LRBA: variants seen among roughly 807,000 people sequenced by gnomAD.
The protein encoded by LRBA is LPS responsive beige-like anchor protein, also known as lipopolysaccharide-responsive and beige-like anchor protein.
A neutral mutation model predicts 330.0 loss-of-function variants in LRBA; 176 were observed. That is an observed-to-expected ratio of 0.53 (90% CI 0.47 to 0.60). LRBA has a LOEUF of 0.60. Among genes scored for constraint, LRBA ranks in the 20% least tolerant of loss-of-function variants. The pLI is 0.00. For synonymous variants in LRBA, 1,230 were observed against 1,193.0 expected (o/e 1.03, Z -0.64); for missense variants, 3,259 against 3,444.8 (o/e 0.95, Z 1.35).
At chr4:150,489,239 CGAATATATAATATATTATATATAA>C (rs1554039138) in intron 41 of LRBA, among the ~76,000 whole-genome samples, 267 of 51,304 alleles carry the variant, frequency 5.2e-3, no homozygotes, top group East Asian at 9.5e-3. Context: ...ATTATATATA[CGAATATATAATATATTATATATAA>C]GAATATATAA....
At chr4:150,953,008 C>CG (rs1191862114) in intron 2 of LRBA, among the ~76,000 whole-genome samples, 1 of 152,196 alleles carries the variant, frequency 6.6e-6, no homozygotes, top group Admixed American at 6.5e-5. Flanking sequence ...ACCTCCCCAA[C>CG]TGTTTCCATA....
At chr4:150,278,469 CT>C (rs11348404) in intron 55 of LRBA, among the ~76,000 whole-genome samples, 76,723 of 151,996 alleles carry the variant, frequency 0.5, 20,353 homozygotes, top group South Asian at 0.59. Context: ...TTCCCTGAGC[CT>C]GCTGGATTTT....
chr4:150,779,786 A>G (rs112845172), intron 34 of LRBA, among the ~76,000 whole-genome samples: 3 of 152,280 alleles, frequency 2.0e-5, no homozygotes, highest in African/African-American at 7.2e-5. Flanking sequence ...GCGTAATTCC[A>G]AAAAGTAATT....
chr4:150,796,809 A>G (rs1227877598), intron 34 of LRBA, among the ~76,000 whole-genome samples: 2 of 151,976 alleles, frequency 1.3e-5, no homozygotes, highest in African/African-American at 2.4e-5. Flanking sequence ...ATCCAAAACC[A>G]TAAGAATGCT....
At chr4:150,840,939 G>A in intron 28 of LRBA, 1 of 1,132,422 alleles carries the variant, frequency 8.8e-7, no homozygotes, top group East Asian at 6.9e-5. Flanking sequence ...CAGAAAAATA[G>A]AAGATAGGCT....
chr4:150,576,168 A>G (rs1770517551), intron 40 of LRBA, among the ~76,000 whole-genome samples: 1 of 151,010 alleles, frequency 6.6e-6, no homozygotes, highest in Non-Finnish European at 1.5e-5. Flanking sequence ...GGTTTTTAAA[A>G]AAAAAAAAAG....
intron 2 of LRBA, among the ~76,000 whole-genome samples, chr4:150,993,545 C>A (rs1742323217): frequency 2.6e-5 from 4 of 152,056 alleles, no homozygotes; most frequent in Admixed American, 2.6e-4. Flanking sequence ...TTGTATTAGT[C>A]CATTTTCATG....
At chr4:150,462,906 T>C (rs1011185175) in intron 44 of LRBA, among the ~76,000 whole-genome samples, 4 of 151,882 alleles carry the variant, frequency 2.6e-5, no homozygotes, top group African/African-American at 9.7e-5. Context: ...TTTGTACAGA[T>C]AGAGCTCATT....
intron 51 of LRBA, among the ~76,000 whole-genome samples, chr4:150,312,902 A>G (rs1731245160): frequency 6.6e-6 from 1 of 152,060 alleles, no homozygotes; most frequent in Non-Finnish European, 1.5e-5. Flanking sequence ...AAAAACAAGT[A>G]AGATAGACCT....
intron 43 of LRBA, 21 bp downstream of exon 43, chr4:150,471,603 C>G: frequency 1.6e-6 from 2 of 1,254,366 alleles, no homozygotes. Flanking sequence ...TAAAATAAAT[C>G]AATACATGGA....
At chr4:150,360,879 G>A (rs912107065) in intron 47 of LRBA, among the ~76,000 whole-genome samples, 2 of 152,222 alleles carry the variant, frequency 1.3e-5, no homozygotes, top group East Asian at 1.9e-4. Flanking sequence ...TCTGAAAGAC[G>A]GCATTATGAC....
intron 36 of LRBA, among the ~76,000 whole-genome samples, chr4:150,722,785 T>C (rs1416452328): frequency 1.3e-5 from 2 of 151,876 alleles, no homozygotes; most frequent in East Asian, 3.9e-4. Context: ...TTTAACTTCA[T>C]ATCATGGAAA....
chr4:150,301,643 C>CT (rs1729695698), intron 53 of LRBA, among the ~76,000 whole-genome samples: 2 of 152,080 alleles, frequency 1.3e-5, no homozygotes, highest in Middle Eastern at 3.4e-3. Context: ...TTAAGAACAG[C>CT]TTTGAGAAGT....
intron 47 of LRBA, among the ~76,000 whole-genome samples, chr4:150,365,616 A>T (rs1033807883): frequency 1.3e-5 from 2 of 151,842 alleles, no homozygotes; most frequent in South Asian, 4.2e-4. Flanking sequence ...ACATGGAGAA[A>T]CCCCATCTCT....
intron 2 of LRBA, among the ~76,000 whole-genome samples, chr4:150,995,390 T>C (rs963256503): frequency 3.3e-5 from 5 of 151,630 alleles, no homozygotes; most frequent in Non-Finnish European, 7.4e-5. Flanking sequence ...GAACAAGCCT[T>C]TCAGGAACAG....
intron 34 of LRBA, among the ~76,000 whole-genome samples, chr4:150,767,714 C>G (rs1389035402): frequency 6.8e-6 from 1 of 146,508 alleles, no homozygotes; most frequent in Non-Finnish European, 1.5e-5. Context: ...GCCAAGATTG[C>G]ACCACTGCAC....
intron 47 of LRBA, among the ~76,000 whole-genome samples, chr4:150,361,297 T>C (rs764293989): frequency 1.3e-4 from 20 of 152,246 alleles, no homozygotes; most frequent in Non-Finnish European, 2.6e-4. Flanking sequence ...TATTTTTAAG[T>C]AGCCATGAAT....
At chr4:150,514,595 T>C (rs190351533) in intron 40 of LRBA, among the ~76,000 whole-genome samples, 6 of 152,132 alleles carry the variant, frequency 3.9e-5, no homozygotes, top group African/African-American at 7.2e-5. Context: ...GTGTGTTTCA[T>C]TGGACCGGAA....
At chr4:150,313,753 G>C (rs1303432934) in intron 51 of LRBA, among the ~76,000 whole-genome samples, 3 of 149,750 alleles carry the variant, frequency 2.0e-5, no homozygotes. Flanking sequence ...TTCAGATTTT[G>C]GAATATTTTC....
Sources: gnomAD v4.1 joint callset for allele counts (sites outside exome capture counted in the v4.1 genomes callset) on GRCh38, gnomAD v4.1.1 for gene constraint, MANE v1.5 for transcripts, NCBI Gene and HGNC (gene_info 2026-07-23, HGNC 2026-07-21) for gene names.